CALCR: variants seen among roughly 807,000 people sequenced by gnomAD.
The protein encoded by CALCR is calcitonin receptor.
In CALCR, 47 loss-of-function variants were observed where a neutral mutation model predicts 59.5. That is an observed-to-expected ratio of 0.79 (90% CI 0.63 to 1.01). CALCR has a LOEUF of 1.01. CALCR is among the 50% of genes least tolerant of loss of function. CALCR has a pLI of 0.00. For synonymous variants in CALCR, 213 were observed against 211.3 expected (o/e 1.01, Z -0.07); for missense variants, 566 against 597.1 (o/e 0.95, Z 0.54).
intron 4 of CALCR, among the ~76,000 whole-genome samples, chr7:93,478,440 G>A (rs559879863): frequency 5.9e-5 from 9 of 151,734 alleles, no homozygotes; most frequent in South Asian, 4.2e-4. Context: ...AGTGTCTCAC[G>A]CCTGTAATCC....
At chr7:93,439,340 T>C (rs1799849596) in intron 9 of CALCR, among the ~76,000 whole-genome samples, 1 of 152,224 alleles carries the variant, frequency 6.6e-6, no homozygotes, top group Admixed American at 6.5e-5. Flanking sequence ...ATTGTGTTAT[T>C]CACAGCAGTT....
chr7:93,534,474 C>T (rs1458645558), intron 2 of CALCR, among the ~76,000 whole-genome samples: 1 of 150,414 alleles, frequency 6.6e-6, no homozygotes, highest in African/African-American at 2.4e-5. Context: ...AAGCCTGACT[C>T]CTTCAAAAAT....
At chr7:93,479,573 C>A in intron 3 of CALCR, 66 bp from the exon 4 acceptor site, 4 of 1,430,584 alleles carry the variant, frequency 2.8e-6, no homozygotes, top group South Asian at 1.4e-5. Flanking sequence ...ATAAATGAGA[C>A]AATGAAAAAG....
At position 93,561,562 on chromosome 7, in the gene CALCR, C is replaced by T. The variant is rs183784391; in HGVS notation, c.-27+12727G>A. Among the ~76,000 whole-genome samples, 840 of 152,190 alleles carry T rather than the reference C, an allele frequency of 5.5e-3. 8 individuals carry two copies. Among genetic ancestry groups the T allele is most frequent in the Non-Finnish European group, 9.7e-3 (657 of 68,000 alleles). On this transcript the variant is annotated intron_variant, in intron 2 of 13. Coordinates refer to ENST00000426151, the MANE Select transcript of CALCR (RefSeq NM_001742.4). Reference sequence around the variant, plus strand: ...TTAAAAGAGTTTAAAAAAATACTATCATCAACTATCACCATCATTAGATAA... The same window carrying T: ...TTAAAAGAGTTTAAAAAAATACTATTATCAACTATCACCATCATTAGATAA...
chr7:93,548,326 C>T (rs1211287365), intron 2 of CALCR, among the ~76,000 whole-genome samples: 3 of 152,142 alleles, frequency 2.0e-5, no homozygotes, highest in African/African-American at 4.8e-5. Context: ...CTCTAATGAC[C>T]AGTTAACAAA....
chr7:93,535,068 T>C (rs1328634961), intron 2 of CALCR, among the ~76,000 whole-genome samples: 1 of 151,682 alleles, frequency 6.6e-6, no homozygotes, highest in Non-Finnish European at 1.5e-5. Flanking sequence ...CTCAGTAAAC[T>C]CTATTTCCTC....
At chr7:93,547,504 C>T (rs1789321466) in intron 2 of CALCR, among the ~76,000 whole-genome samples, 1 of 152,058 alleles carries the variant, frequency 6.6e-6, no homozygotes, top group South Asian at 2.1e-4. Context: ...TCCATGAAAA[C>T]CACATTTGTA....
At chr7:93,473,590 C>T (rs12668722) in intron 5 of CALCR, among the ~76,000 whole-genome samples, 57,084 of 123,854 alleles carry the variant, frequency 0.46, 13,316 homozygotes, top group South Asian at 0.56. Context: ...GCCCCCCCCC[C>T]TTTTTTTTTT....
chr7:93,504,242 C>T (rs1465575317), intron 2 of CALCR, among the ~76,000 whole-genome samples: 1 of 152,146 alleles, frequency 6.6e-6, no homozygotes, highest in East Asian at 1.9e-4. Context: ...TGGAAATTCC[C>T]CCCAACAGGG....
chr7:93,468,842 T>G, intron 6 of CALCR, 36 bp from the exon 7 acceptor site: 1 of 508,200 alleles, frequency 2.0e-6, no homozygotes, highest in Non-Finnish European at 3.1e-6. Context: ...AAACAATGAA[T>G]GAATGATTCA....
chr7:93,460,320 C>T (rs555309712), intron 8 of CALCR, among the ~76,000 whole-genome samples: 77 of 151,750 alleles, frequency 5.1e-4, no homozygotes, highest in Middle Eastern at 6.8e-3. Context: ...TTTTGGGAGG[C>T]CGAGGCAGGC....
intron 2 of CALCR, among the ~76,000 whole-genome samples, chr7:93,546,884 A>G (rs1171891867): frequency 1.3e-5 from 2 of 152,068 alleles, no homozygotes; most frequent in Non-Finnish European, 2.9e-5. Flanking sequence ...AAAGGATGTT[A>G]TTAGATTGGA....
chr7:93,518,319 T>C (rs1801688974), intron 2 of CALCR, among the ~76,000 whole-genome samples: 1 of 151,360 alleles, frequency 6.6e-6, no homozygotes, highest in Admixed American at 6.6e-5. Context: ...TGAAAACAAA[T>C]AACAAATCAA....
At chr7:93,495,009 G>A (rs912742765) in intron 2 of CALCR, among the ~76,000 whole-genome samples, 1 of 151,320 alleles carries the variant, frequency 6.6e-6, no homozygotes, top group African/African-American at 2.4e-5. Flanking sequence ...ACTGATTAGT[G>A]TAGGATTTAA....
rs1050482604 is a variant in CALCR, at chr7:93,516,590, A to C, written c.-26-29583T>G. Among the ~76,000 whole-genome samples, 4 of 151,868 alleles carry C rather than the reference A, an allele frequency of 2.6e-5. No homozygotes were observed. The Admixed American group carries it at 2.6e-4, about 10-fold the overall frequency. On this transcript the variant is annotated intron_variant, in intron 2 of 13. Transcript: ENST00000426151. ...ACATATCCTAGAATAAAAAACAAAC[A>C]AAAAGGAGGCTAGGAACCATTATGG...
In CALCR at chr7:93,537,872, G is replaced by A. The variant is rs139771047; in HGVS notation, c.-27+36417C>T. ...GAAATTGACTAGTTTATATGGGGTC[G>A]TTTTAGTCAGGTCCCAAGACAATGT... On this transcript the variant is annotated intron_variant, in intron 2 of 13. Transcript: ENST00000426151. Among the ~76,000 whole-genome samples the A allele has an allele frequency of 1.6e-3, 249 of 151,902 alleles. 1 individual carries two copies. Among genetic ancestry groups the A allele is most frequent in the African/African-American group, 5.7e-3 (236 of 41,522 alleles).
chr7:93,460,573 ATAT>A (rs1265651153), intron 8 of CALCR, among the ~76,000 whole-genome samples: 2 of 77,998 alleles, frequency 2.6e-5, no homozygotes, highest in East Asian at 4.1e-4. Flanking sequence ...AAAAAAAAAA[ATAT>A]ATATATATAT....
chr7:93,518,562 G>T (rs1352715147), intron 2 of CALCR, among the ~76,000 whole-genome samples: 1 of 151,710 alleles, frequency 6.6e-6, no homozygotes, highest in African/African-American at 2.4e-5. Context: ...ATTATTGGTG[G>T]GAGCATAGGG....
intron 8 of CALCR, among the ~76,000 whole-genome samples, chr7:93,458,599 G>A (rs1424001419): frequency 6.6e-6 from 1 of 152,172 alleles, no homozygotes; most frequent in Non-Finnish European, 1.5e-5. Flanking sequence ...ACTGGAATAT[G>A]AGAGTGAGTG....
Sources: allele counts gnomAD v4.1 joint callset (sites outside exome capture counted in the v4.1 genomes callset), GRCh38; gene constraint gnomAD v4.1.1; transcripts MANE v1.5; gene names NCBI Gene and HGNC (gene_info 2026-07-23, HGNC 2026-07-21).